The following CACNB2 variants were observed in gnomAD, a reference collection of about 807,000 sequenced individuals.
The protein encoded by CACNB2 is calcium voltage-gated channel auxiliary subunit beta 2.
In CACNB2, 42 loss-of-function variants were observed where a neutral mutation model predicts 73.3. The ratio of observed to expected loss-of-function variants is 0.57; its 90% CI spans 0.45 to 0.74. The LOEUF (loss-of-function observed/expected upper bound fraction) is 0.74. Ranked by LOEUF, CACNB2 falls within the 30% of genes least tolerant of loss-of-function variation. The pLI is 0.00. For synonymous variants in CACNB2, 348 were observed against 310.3 expected (o/e 1.12, Z -1.28); for missense variants, 940 against 853.0 (o/e 1.10, Z -1.27).
chr10:18,384,392 C>A (rs547940127), intron 2 of CACNB2, among the ~76,000 whole-genome samples: 1 of 152,120 alleles, frequency 6.6e-6, no homozygotes, highest in East Asian at 1.9e-4. Flanking sequence ...TAGAAAATGA[C>A]CTGGAAATTT....
rs140542366 is a variant in CACNB2, at chr10:18,459,362, G to T, written c.334-38993G>T. Among the ~76,000 whole-genome samples, 320 of 152,350 alleles carry T rather than the reference G, an allele frequency of 2.1e-3. 1 individual carries two copies. Among genetic ancestry groups the T allele is most frequent in the African/African-American group, 7.4e-3 (309 of 41,590 alleles). On this transcript the variant is annotated intron_variant, in intron 3 of 13. Coordinates refer to ENST00000324631, the MANE Select transcript of CACNB2 (RefSeq NM_201596.3). ...ACAATTTTGAAGGAAGGAGGTGGCT[G>T]AGATTATCCCATGGGACTTGTGGTT...
At chr10:18,167,681 C>T (rs1393609177) in intron 2 of CACNB2, among the ~76,000 whole-genome samples, 1 of 152,038 alleles carries the variant, frequency 6.6e-6, no homozygotes, top group Non-Finnish European at 1.5e-5. Context: ...AATCTCAGCT[C>T]CTCTGGAAAG....
chr10:18,215,903 G>A (rs2035492801), intron 2 of CACNB2, among the ~76,000 whole-genome samples: 1 of 152,116 alleles, frequency 6.6e-6, no homozygotes, highest in African/African-American at 2.4e-5. Context: ...CTGAGATCGG[G>A]TCTAGATGCT....
chr10:18,513,708 T>G (rs557323300), intron 6 of CACNB2: 56 of 198,310 alleles, frequency 2.8e-4, no homozygotes, highest in Non-Finnish European at 5.1e-4. Context: ...CAAAAACGCA[T>G]AAAGCGAGAA....
Position 18,356,942 on chromosome 10 carries a change from C to CTTTTTTTTTT in CACNB2, c.214-44971_214-44962dup, listed in dbSNP as rs71402158. Among the ~76,000 whole-genome samples the CTTTTTTTTTT allele has an allele frequency of 1.1e-3, 109 of 101,074 alleles. 8 individuals are homozygous for CTTTTTTTTTT. Among genetic ancestry groups the CTTTTTTTTTT allele is most frequent in the Non-Finnish European group, 1.7e-3 (82 of 49,164 alleles). The allele number at this position is 101,074 out of a possible 152,430, so 66.3% of individuals were successfully genotyped here. ...ACTGTGCCTGGCCCAGACTCAATTTCTTTTTTTTTTTTTTTTTTTTGAGAC... is the reference window on the plus strand; with the variant it reads ...ACTGTGCCTGGCCCAGACTCAATTTCTTTTTTTTTTTTTTTTTTTTTTTTTTTTTTGAGAC... On this transcript the variant is annotated intron_variant, in intron 2 of 13. Coordinates refer to ENST00000324631, the MANE Select transcript of CACNB2 (RefSeq NM_201596.3).
At chr10:18,522,936 GGA>G (rs1357386551) in intron 9 of CACNB2, among the ~76,000 whole-genome samples, 8 of 144,798 alleles carry the variant, frequency 5.5e-5, no homozygotes, top group African/African-American at 2.1e-4. Flanking sequence ...AGAACTGAAA[GGA>G]GAGAGAATGA....
intron 2 of CACNB2, among the ~76,000 whole-genome samples, chr10:18,158,839 G>A (rs891498067): frequency 5.3e-5 from 8 of 152,220 alleles, no homozygotes; most frequent in African/African-American, 1.9e-4. Context: ...CTTTTCAAGA[G>A]ATTGTGCAAG....
chr10:18,489,557 T>C (rs1210091294), intron 3 of CACNB2, among the ~76,000 whole-genome samples: 1 of 151,968 alleles, frequency 6.6e-6, no homozygotes, highest in Non-Finnish European at 1.5e-5. Context: ...ACTACAAGCG[T>C]GTGCCACAGT....
At chr10:18,268,533 A>G (rs992669237) in intron 2 of CACNB2, among the ~76,000 whole-genome samples, 1 of 152,204 alleles carries the variant, frequency 6.6e-6, no homozygotes, top group African/African-American at 2.4e-5. Context: ...AGAGCAATGT[A>G]TATAGTATGA....
chr10:18,504,794 A>G (rs12355360), intron 5 of CACNB2, among the ~76,000 whole-genome samples: 8,314 of 152,040 alleles, frequency 0.055, 330 homozygotes, highest in Non-Finnish European at 0.075. Context: ...ACAGGCATGC[A>G]CCACCACGCC....
At chr10:18,172,838 C>T (rs1050548140) in intron 2 of CACNB2, among the ~76,000 whole-genome samples, 5 of 151,826 alleles carry the variant, frequency 3.3e-5, no homozygotes, top group African/African-American at 1.2e-4. Flanking sequence ...ATCCACGCTC[C>T]TGAACTCTTT....
intron 2 of CACNB2, among the ~76,000 whole-genome samples, chr10:18,172,808 A>G (rs2033333814): frequency 6.6e-6 from 1 of 152,064 alleles, no homozygotes; most frequent in African/African-American, 2.4e-5. Context: ...TATGAACACC[A>G]ACTCCAAGCC....
In CACNB2 at chr10:18,536,146, C is replaced by A. The variant is rs756840043; in HGVS notation, c.1252C>A (p.His418Asn). The A allele has an allele frequency of 4.4e-6, 7 of 1,607,492 alleles. No homozygotes were observed. The highest frequency in any genetic ancestry group is 1.3e-5 in the African/African-American group (1 of 74,242). The change falls in exon 12 of 14, where the codon CAC becomes AAC. Residue 418 changes from histidine (H) to asparagine (N), a missense_variant. His to Asn is a moderately conservative substitution (Grantham distance 68, BLOSUM62 1). Coordinates refer to ENST00000324631, the MANE Select transcript of CACNB2 (RefSeq NM_201596.3). ...IKSRGKSQAK[H>N]LNVQMVAADK... The stretch of plus-strand genomic sequence containing the variant: ...ATCTCGAGGGAAATCTCAAGCTAAA[C>A]ACCTCAACGTCCAGATGGTAGCAGC...
intron 11 of CACNB2, among the ~76,000 whole-genome samples, chr10:18,535,630 G>A (rs907756755): frequency 3.4e-4 from 49 of 144,938 alleles, no homozygotes; most frequent in South Asian, 8.4e-4. Context: ...AAAATTAGCC[G>A]GGCGTGGTGG....
intron 2 of CACNB2, among the ~76,000 whole-genome samples, chr10:18,173,737 C>A (rs577434531): frequency 2.0e-5 from 3 of 152,110 alleles, no homozygotes; most frequent in Admixed American, 2.0e-4. Context: ...GTTTTCTAAG[C>A]CTAAAAGGCC....
At position 18,284,452 on chromosome 10, in the gene CACNB2, A is replaced by G. The variant is rs149306380; in HGVS notation, c.214-117472A>G. 7.4e-4 allele frequency among the ~76,000 whole-genome samples: 112 copies of G among 152,344 alleles called. 1 individual carries two copies. The Middle Eastern group carries it at 0.017, about 23-fold the overall frequency. On this transcript the variant is annotated intron_variant, in intron 2 of 13. Coordinates refer to ENST00000324631, the MANE Select transcript of CACNB2 (RefSeq NM_201596.3). ...TCAATTTTTATTCCACTGAAAGGTC[A>G]ATTCAGATTTGCTAAAGTATCCTTG...
At chr10:18,218,732 G>A (rs1008215754) in intron 2 of CACNB2, among the ~76,000 whole-genome samples, 1 of 152,092 alleles carries the variant, frequency 6.6e-6, no homozygotes, top group Non-Finnish European at 1.5e-5. Flanking sequence ...AGCCAGGCAT[G>A]GTGGCACGTG....
chr10:18,199,515 T>C (rs1297479611), intron 2 of CACNB2, among the ~76,000 whole-genome samples: 1 of 152,078 alleles, frequency 6.6e-6, no homozygotes, highest in African/African-American at 2.4e-5. Context: ...TCTTGCTTAG[T>C]AGGCTTGAGA....
chr10:18,153,301 C>T (rs1028016763), intron 2 of CACNB2, among the ~76,000 whole-genome samples: 6 of 151,940 alleles, frequency 3.9e-5, no homozygotes, highest in African/African-American at 9.7e-5. Context: ...ATTACACAGG[C>T]GTATCATTGA....
Sources: allele counts gnomAD v4.1 joint callset (sites outside exome capture counted in the v4.1 genomes callset), GRCh38; gene constraint gnomAD v4.1.1; transcripts MANE v1.5; gene names NCBI Gene and HGNC (gene_info 2026-07-23, HGNC 2026-07-21).